The following HACD2 variants were observed in gnomAD, a reference collection of about 807,000 sequenced individuals.
HACD2 encodes the protein 3-hydroxyacyl-CoA dehydratase 2.
Under a neutral mutation model 31.0 loss-of-function variants are expected in HACD2, and 15 were observed. That is an observed-to-expected ratio of 0.48 (90% confidence interval 0.32 to 0.75). The LOEUF is 0.75. Ranked by LOEUF, HACD2 falls within the 30% of genes least tolerant of loss-of-function variation. The pLI is 0.03. For missense variants in HACD2, 283 were observed against 313.0 expected (o/e 0.90, Z 0.72); for synonymous variants, 115 against 122.2 (o/e 0.94, Z 0.39).
chr3:123,502,609 A>C lies in HACD2; in HGVS notation c.454T>G (p.Tyr152Asp), dbSNP rs1198174555. ...AGATGGTTTAATAGACTGAATGTAT[A>C]AAAGGAGTAACGGATGATTTCCGTG... ...TITEIIRYSF[Y>D]TFSLLNHLPY... The change falls in exon 5 of 7, where the codon TAT becomes GAT. Residue 152 changes from tyrosine (Y) to aspartate (D), a missense_variant. Tyr to Asp is a radical substitution (Grantham distance 160). Coordinates refer to ENST00000383657, the MANE Select transcript of HACD2 (RefSeq NM_198402.5). The C allele has an allele frequency of 6.2e-7, 1 of 1,610,018 alleles. No homozygotes were observed. Among genetic ancestry groups the C allele is most frequent in the African/African-American group, 1.3e-5 (1 of 74,898 alleles).
chr3:123,509,584 C>T (rs571754409), intron 4 of HACD2, among the ~76,000 whole-genome samples: 9 of 151,054 alleles, frequency 6.0e-5, no homozygotes, highest in Middle Eastern at 3.4e-3. Flanking sequence ...CTGCAAGCTC[C>T]GCTTCCCGGG....
At chr3:123,534,798 T>TTTTGTGTGTGTGTGTG (rs2056405574) in intron 3 of HACD2, among the ~76,000 whole-genome samples, 1 of 149,090 alleles carries the variant, frequency 6.7e-6, no homozygotes, top group Non-Finnish European at 1.5e-5. Flanking sequence ...AGACGTAGGC[T>TTTTGTGTGTGTGTGTG]TGTGTGTGTG....
In HACD2 at chr3:123,493,402, C is replaced by T. The variant is rs958520097; in HGVS notation, c.*1486G>A. The T allele has an allele frequency of 9.9e-5, 15 of 152,132 alleles. No individual in the cohort carries two copies. Among genetic ancestry groups the T allele is most frequent in the African/African-American group, 2.9e-4 (12 of 41,428 alleles). The allele number at this position is 152,132 out of a possible 1,614,324, so 9.4% of individuals were successfully genotyped here. On this transcript the variant is annotated 3_prime_UTR_variant, in exon 7 of 7. Transcript: ENST00000383657. ...TTTCCAGTATGAGTTTTCTGATATT[C>T]GCAATTATATTTTAAATGACAACTA...
At chr3:123,561,361 T>C (rs1217213905) in intron 3 of HACD2, among the ~76,000 whole-genome samples, 1 of 152,174 alleles carries the variant, frequency 6.6e-6, no homozygotes, top group Admixed American at 6.5e-5. Context: ...AGCAAATATC[T>C]GAAACCACAA....
intron 4 of HACD2, among the ~76,000 whole-genome samples, chr3:123,527,474 C>T (rs2056298538): frequency 6.6e-6 from 1 of 152,152 alleles, no homozygotes; most frequent in Admixed American, 6.6e-5. Context: ...GCTACTGGCC[C>T]ATTAATCACT....
intron 3 of HACD2, among the ~76,000 whole-genome samples, chr3:123,540,789 G>A (rs536730896): frequency 1.3e-5 from 2 of 151,980 alleles, no homozygotes; most frequent in African/African-American, 4.8e-5. Flanking sequence ...TGTCAGGGCC[G>A]AACAAAATTG....
intron 4 of HACD2, 68 bp downstream of exon 4, chr3:123,528,318 A>T (rs2056310012): frequency 1.1e-6 from 1 of 941,236 alleles, no homozygotes; most frequent in South Asian, 1.3e-5. Flanking sequence ...CATAACAAAC[A>T]TGTGAATCAG....
chr3:123,524,487 T>C (rs2056254339), intron 4 of HACD2, among the ~76,000 whole-genome samples: 1 of 152,086 alleles, frequency 6.6e-6, no homozygotes, highest in Non-Finnish European at 1.5e-5. Flanking sequence ...GGGCCCACAA[T>C]TGATGTGTAC....
At chr3:123,569,176 C>A (rs943456357) in intron 2 of HACD2, among the ~76,000 whole-genome samples, 2 of 152,058 alleles carry the variant, frequency 1.3e-5, no homozygotes, top group Admixed American at 6.5e-5. Context: ...AAAATAATTA[C>A]CACATTGCAA....
At chr3:123,546,707 G>A (rs2056563772) in intron 3 of HACD2, among the ~76,000 whole-genome samples, 1 of 152,180 alleles carries the variant, frequency 6.6e-6, no homozygotes, top group Non-Finnish European at 1.5e-5. Flanking sequence ...ATTCTGGTAT[G>A]CATAACCAAA....
At position 123,491,682 on chromosome 3, in the gene HACD2, C is replaced by T. The variant is rs952862671; in HGVS notation, c.*3206G>A. 10 of 152,608 alleles carry T rather than the reference C, an allele frequency of 6.6e-5. No homozygotes were observed. Among genetic ancestry groups the T allele is most frequent in the African/African-American group, 2.4e-4 (10 of 41,506 alleles). 9.5% of individuals were successfully genotyped at this position (152,608 alleles called of 1,614,324 possible). A position where few individuals can be genotyped will look rare whatever the true frequency, so the allele number is the denominator to read the frequency against. ...TCAAATGCATGCATAGAAAGTTAAG[C>T]GTAGTCTCTGGACTCCTTATTTCTA... On this transcript the variant is annotated 3_prime_UTR_variant, in exon 7 of 7. Transcript: ENST00000383657.
chr3:123,577,663 G>A (rs1282052272), intron 2 of HACD2, among the ~76,000 whole-genome samples: 3 of 150,344 alleles, frequency 2.0e-5, no homozygotes, highest in African/African-American at 4.9e-5. Context: ...TATAATTACA[G>A]TCTTATGTTA....
chr3:123,571,609 G>A (rs145630997), intron 2 of HACD2, among the ~76,000 whole-genome samples: 2 of 152,268 alleles, frequency 1.3e-5, no homozygotes, highest in East Asian at 3.9e-4. Context: ...CCTACAACTA[G>A]ATTCAGCCAA....
chr3:123,504,448 C>G (rs973341936), intron 4 of HACD2, among the ~76,000 whole-genome samples: 18 of 152,012 alleles, frequency 1.2e-4, no homozygotes, highest in African/African-American at 4.1e-4. Context: ...GAATTCAGTC[C>G]TAAGTGGGTT....
chr3:123,533,720 A>G (rs1433203936), intron 3 of HACD2, among the ~76,000 whole-genome samples: 2 of 151,844 alleles, frequency 1.3e-5, no homozygotes, highest in Non-Finnish European at 2.9e-5. Flanking sequence ...GCCAGATACC[A>G]CTCTCCACAC....
intron 2 of HACD2, among the ~76,000 whole-genome samples, chr3:123,577,070 T>C (rs1489059283): frequency 2.0e-5 from 3 of 152,060 alleles, no homozygotes; most frequent in Non-Finnish European, 2.9e-5. Context: ...GAAATGAGAT[T>C]GGGTTGTTTA....
Position 123,567,744 on chromosome 3 carries a change from G to T in HACD2, c.292+18C>A. ...GCAGAATTCACTGTACATAGTAGGG[G>T]GGAATATCCATACTTACCTATAGCA... On this transcript the variant is annotated intron_variant, in intron 3 of 6. Coordinates refer to ENST00000383657, the MANE Select transcript of HACD2 (RefSeq NM_198402.5). 1 of 1,440,314 alleles carries T rather than the reference G, an allele frequency of 6.9e-7. No individual in the cohort carries two copies. The highest frequency in any genetic ancestry group is 9.3e-7 in the Non-Finnish European group (1 of 1,075,590). 89.2% of individuals were successfully genotyped at this position (1,440,314 alleles called of 1,614,324 possible). A position where few individuals can be genotyped will look rare whatever the true frequency, so the allele number is the denominator to read the frequency against.
intron 3 of HACD2, among the ~76,000 whole-genome samples, chr3:123,547,934 A>G (rs1413871334): frequency 6.6e-6 from 1 of 152,094 alleles, no homozygotes; most frequent in East Asian, 1.9e-4. Flanking sequence ...GGTCCAGAGA[A>G]GGCAACTCAC....
chr3:123,548,476 C>G (rs938996206), intron 3 of HACD2, among the ~76,000 whole-genome samples: 2 of 152,060 alleles, frequency 1.3e-5, no homozygotes, highest in Non-Finnish European at 1.5e-5. Flanking sequence ...AAAGCGCTCC[C>G]GAATTCCTGA....
Sources: allele counts gnomAD v4.1 joint callset (sites outside exome capture counted in the v4.1 genomes callset), GRCh38; gene constraint gnomAD v4.1.1; transcripts MANE v1.5; gene names NCBI Gene and HGNC (gene_info 2026-07-23, HGNC 2026-07-21).